Variants in MGME1 observed in about 807,000 individuals in gnomAD.
MGME1 encodes mitochondrial genome maintenance exonuclease 1, also known as chromosome 20 open reading frame 72.
MGME1 carries 22 observed loss-of-function variants against 33.0 expected under a neutral mutation model. That is an observed-to-expected ratio of 0.67 (90% CI 0.48 to 0.95). The LOEUF (loss-of-function observed/expected upper bound fraction) is 0.95, where lower values mean the gene tolerates loss of function less well. MGME1 is among the 40% of genes least tolerant of loss of function. The probability of loss-of-function intolerance (pLI) is 0.00; values close to 1 mark genes in which losing one functional copy is unlikely to be tolerated. For synonymous variants in MGME1, 133 were observed against 144.0 expected, an observed-to-expected ratio of 0.92 and a Z score of 0.55; for missense variants, 383 against 397.8, an observed-to-expected ratio of 0.96 and a Z score of 0.32.
At chr20:17,984,863 C>T (rs1304415017) in intron 3 of MGME1, among the ~76,000 whole-genome samples, 2 of 151,620 alleles carry the variant, frequency 1.3e-5, no homozygotes, top group African/African-American at 2.4e-5. Flanking sequence ...CGATGAAACT[C>T]CGTCTTTGCT....
intron 2 of MGME1, chr20:17,972,778 T>C: frequency 1.0e-6 from 1 of 985,350 alleles, no homozygotes; most frequent in Non-Finnish European, 1.2e-6. Context: ...AAATGTATGG[T>C]CTATTGGCAT....
chr20:17,977,688 C>T (rs2035903618), intron 3 of MGME1, among the ~76,000 whole-genome samples: 2 of 152,290 alleles, frequency 1.3e-5, no homozygotes, highest in Non-Finnish European at 1.5e-5. Context: ...TGCCTTCGTT[C>T]TCCAGATATC....
intron 3 of MGME1, among the ~76,000 whole-genome samples, chr20:17,987,538 T>C (rs1334225949): frequency 1.3e-5 from 2 of 152,226 alleles, no homozygotes. Context: ...AAGTAAAATG[T>C]TAAAATTTCA....
At chr20:17,984,904 G>A (rs2036116289) in intron 3 of MGME1, among the ~76,000 whole-genome samples, 1 of 151,968 alleles carries the variant, frequency 6.6e-6, no homozygotes, top group Admixed American at 6.6e-5. Context: ...GGGTGTGGTG[G>A]CACATGCCTG....
At position 17,990,219 on chromosome 20, in the gene MGME1, G is replaced by T. The variant is rs760004147; in HGVS notation, c.*110G>T. ...GTGCCACTGGATCTGAGTGCTACAC[G>T]AACACAAGTAGAAGTATTAATTTGT... On this transcript the variant is annotated 3_prime_UTR_variant, in exon 5 of 5. Coordinates refer to ENST00000377710, the MANE Select transcript of MGME1 (RefSeq NM_052865.4). 1.1e-6 allele frequency: 1 copy of T among 889,864 alleles called. No homozygotes were observed. The highest frequency in any genetic ancestry group is 1.4e-5 in the South Asian group (1 of 69,750). The allele number at this position is 889,864 out of a possible 1,614,324, so 55.1% of individuals were successfully genotyped here. A position where few individuals can be genotyped will look rare whatever the true frequency, so the allele number is the denominator to read the frequency against.
At chr20:17,985,192 G>A (rs185150310) in intron 3 of MGME1, among the ~76,000 whole-genome samples, 1 of 152,360 alleles carries the variant, frequency 6.6e-6, no homozygotes. Flanking sequence ...GGGAGGCCAA[G>A]GTGGGTGGAT....
chr20:17,975,569 GA>G (rs963517043), intron 2 of MGME1, 114 bp from the exon 3 acceptor site: 344 of 681,964 alleles, frequency 5.0e-4, no homozygotes, highest in African/African-American at 4.1e-3. Flanking sequence ...AAAAAAAAAA[GA>G]AAAAAAAATG....
intron 3 of MGME1, among the ~76,000 whole-genome samples, chr20:17,976,953 G>T (rs556820481): frequency 6.6e-6 from 1 of 151,864 alleles, no homozygotes; most frequent in Middle Eastern, 3.2e-3. Context: ...GAGCCACCAC[G>T]CCCGGTCCCC....
Position 17,975,700 on chromosome 20 carries a change from G to A in MGME1, c.528G>A (p.Gly176=). The change falls in exon 3 of 5, where the codon GGG becomes GGA. Residue 176 remains glycine (G), a synonymous_variant. Transcript: ENST00000377710. ...KEYTSNVFLQ[G]KRFHEALESI... ...TCTTTTCAGACGTCTTTTTACAAGG[G>A]AAACGGTTCCACGAAGCCTTGGAAA... The A allele has an allele frequency of 1.9e-6, 3 of 1,613,502 alleles. No individual in the cohort carries two copies. Among genetic ancestry groups the A allele is most frequent in the Non-Finnish European group, 2.5e-6 (3 of 1,179,616 alleles).
intron 3 of MGME1, among the ~76,000 whole-genome samples, chr20:17,978,911 G>A (rs1011312744): frequency 1.9e-4 from 29 of 151,744 alleles, no homozygotes; most frequent in Non-Finnish European, 4.4e-5. Context: ...CAAGTGGCTA[G>A]GACTACAGGC....
rs1252948366 is a variant in MGME1, at chr20:17,990,533, C to T, written c.*424C>T. The T allele has an allele frequency of 4.0e-6, 1 of 249,156 alleles. No homozygotes were observed. The highest frequency in any genetic ancestry group is 2.3e-5 in the African/African-American group (1 of 44,132). The allele number at this position is 249,156 out of a possible 1,614,324, so 15.4% of individuals were successfully genotyped here. On this transcript the variant is annotated 3_prime_UTR_variant, in exon 5 of 5. Transcript: ENST00000377710. ...CCCAGAGGGGAAGGGGCTACATGCC[C>T]CCAGCTGTGTGCAGGGAGGACACAT...
At chr20:17,989,326 C>T (rs1338214729) in intron 4 of MGME1, among the ~76,000 whole-genome samples, 3 of 151,958 alleles carry the variant, frequency 2.0e-5, no homozygotes, top group East Asian at 1.9e-4. Flanking sequence ...GCGGAGGTTG[C>T]GGTGAGCCAA....
chr20:17,984,945 G>A (rs1258674171), intron 3 of MGME1, among the ~76,000 whole-genome samples: 1 of 150,268 alleles, frequency 6.7e-6, no homozygotes, highest in Non-Finnish European at 1.5e-5. Context: ...GCTGAGGTAG[G>A]AAGATTGCTT....
intron 3 of MGME1, 48 bp from the exon 4 acceptor site, chr20:17,988,118 T>A (rs745467841): frequency 6.4e-7 from 1 of 1,562,726 alleles, no homozygotes; most frequent in Non-Finnish European, 8.7e-7. Flanking sequence ...AGTAGAGATT[T>A]TCATTGTGAT....
chr20:17,973,032 A>C (rs1441413067), intron 2 of MGME1, among the ~76,000 whole-genome samples: 1 of 152,092 alleles, frequency 6.6e-6, no homozygotes, highest in South Asian at 2.1e-4. Context: ...AAGGGATTCC[A>C]TTTTTTGCTA....
At chr20:17,972,049 T>C (rs1600377912) in intron 2 of MGME1, among the ~76,000 whole-genome samples, 1 of 152,248 alleles carries the variant, frequency 6.6e-6, no homozygotes, top group Middle Eastern at 3.4e-3. Context: ...AATCACTCTT[T>C]TTAGAAAATA....
intron 1 of MGME1, 52 bp from the exon 2 acceptor site, chr20:17,969,749 C>T (rs2035663005): frequency 9.1e-7 from 1 of 1,101,122 alleles, no homozygotes; most frequent in African/African-American, 1.6e-5. Context: ...TTTTGATGTG[C>T]AATATCATTC....
chr20:17,989,717 T>C (rs956591355), intron 4 of MGME1, among the ~76,000 whole-genome samples: 6 of 151,468 alleles, frequency 4.0e-5, no homozygotes, highest in East Asian at 1.9e-4. Flanking sequence ...TTTTTTTTTT[T>C]CAATGGCTCT....
rs1600412328 is a variant in MGME1 at position 17,990,281 on chromosome 20, A to G, written c.*172A>G. 1 of 667,618 alleles carries G rather than the reference A, an allele frequency of 1.5e-6. No homozygotes were observed. The highest frequency in any genetic ancestry group is 2.7e-5 in the East Asian group (1 of 36,842). The allele number at this position is 667,618 out of a possible 1,614,324, so 41.4% of individuals were successfully genotyped here. A position where few individuals can be genotyped will look rare whatever the true frequency, so the allele number is the denominator to read the frequency against. ...GTTACCAAAAAGACTGAAAAGCCCC[A>G]AAGTCTAGATATAAAGACCTAGACT... On this transcript the variant is annotated 3_prime_UTR_variant, in exon 5 of 5. Transcript: ENST00000377710.
Sources: allele counts gnomAD v4.1 joint callset (sites outside exome capture counted in the v4.1 genomes callset), GRCh38; gene constraint gnomAD v4.1.1; transcripts MANE v1.5; gene names NCBI Gene and HGNC (gene_info 2026-07-23, HGNC 2026-07-21).